DPY19L4: variants seen among roughly 807,000 people sequenced by gnomAD.
The protein encoded by DPY19L4 is dpy-19 like 4, also known as probable C-mannosyltransferase DPY19L4.
DPY19L4 carries 97 observed loss-of-function variants against 102.8 expected under a neutral mutation model. The ratio of observed to expected loss-of-function variants is 0.94; its 90% CI spans 0.80 to 1.12. The LOEUF (loss-of-function observed/expected upper bound fraction) is 1.12. Ranked by LOEUF, DPY19L4 falls within the 50% of genes most tolerant of loss-of-function variation. The pLI, the probability that DPY19L4 is intolerant of heterozygous loss-of-function variation, is 0.00. For synonymous variants in DPY19L4, 252 were observed against 283.1 expected (o/e 0.89, Z 1.10); for missense variants, 815 against 850.4 (o/e 0.96, Z 0.52).
chr8:94,774,859 G>C (rs1006436256), intron 13 of DPY19L4, among the ~76,000 whole-genome samples: 2 of 152,064 alleles, frequency 1.3e-5, no homozygotes, highest in African/African-American at 4.8e-5. Context: ...TTACAGCCAT[G>C]AGCCACCGCG....
At chr8:94,787,015 G>A (rs139120541) in intron 17 of DPY19L4, among the ~76,000 whole-genome samples, 12 of 152,222 alleles carry the variant, frequency 7.9e-5, no homozygotes, top group African/African-American at 2.4e-4. Context: ...CTGGAAGAGG[G>A]GTTCTACGAG....
At chr8:94,771,433 A>G (rs539184164) in intron 13 of DPY19L4, among the ~76,000 whole-genome samples, 1 of 152,252 alleles carries the variant, frequency 6.6e-6, no homozygotes, top group Non-Finnish European at 1.5e-5. Context: ...AGGTACCTCA[A>G]TAAGCAATAG....
At chr8:94,739,609 C>G (rs1811347592) in intron 5 of DPY19L4, 36 bp from the exon 6 acceptor site, 1 of 1,609,276 alleles carries the variant, frequency 6.2e-7, no homozygotes, top group Admixed American at 1.7e-5. Flanking sequence ...TAATGCCATC[C>G]TATTGTCTTG....
In DPY19L4 at chr8:94,791,514, G is replaced by C. The variant is rs890698845; in HGVS notation, c.*1604G>C. Reference sequence around the variant, plus strand: ...TACCTCAGGTTGACTCTGTACATCTGAATAGTGAGTCACTAGTATTTTGCT... The same window carrying C: ...TACCTCAGGTTGACTCTGTACATCTCAATAGTGAGTCACTAGTATTTTGCT... On this transcript the variant is annotated 3_prime_UTR_variant, in exon 19 of 19. Coordinates refer to ENST00000414645, the MANE Select transcript of DPY19L4 (RefSeq NM_181787.3). 3 of 152,120 alleles carry C rather than the reference G, an allele frequency of 2.0e-5. No individual in the cohort carries two copies. The highest frequency in any genetic ancestry group is 4.4e-5 in the Non-Finnish European group (3 of 68,004). The allele number at this position is 152,120 out of a possible 1,614,324, so 9.4% of individuals were successfully genotyped here. A position where few individuals can be genotyped will look rare whatever the true frequency, so the allele number is the denominator to read the frequency against.
chr8:94,778,186 A>G (rs1813271524), intron 14 of DPY19L4, among the ~76,000 whole-genome samples: 1 of 152,054 alleles, frequency 6.6e-6, no homozygotes, highest in Non-Finnish European at 1.5e-5. Context: ...AGTGAGCCAA[A>G]ATCTCACCAC....
chr8:94,771,447 AACAG>A (rs1273364046), intron 13 of DPY19L4, among the ~76,000 whole-genome samples: 2 of 152,252 alleles, frequency 1.3e-5, no homozygotes, highest in African/African-American at 2.4e-5. Context: ...GCAATAGTGG[AACAG>A]ACAGTCTCTA....
At chr8:94,747,719 T>A (rs4734287) in intron 6 of DPY19L4, among the ~76,000 whole-genome samples, 24,159 of 151,892 alleles carry the variant, frequency 0.16, 2,039 homozygotes, top group Admixed American at 0.22. Flanking sequence ...CCACTATGCC[T>A]GGCTAATTTT....
At chr8:94,780,592 T>C (rs1229792650) in intron 15 of DPY19L4, among the ~76,000 whole-genome samples, 177 bp downstream of exon 15, 1 of 152,136 alleles carries the variant, frequency 6.6e-6, no homozygotes, top group Non-Finnish European at 1.5e-5. Context: ...AGCTAAAACA[T>C]TTCTAGAATG....
intron 6 of DPY19L4, chr8:94,744,881 A>G (rs1563584467): frequency 1.7e-5 from 4 of 229,372 alleles, no homozygotes; most frequent in Admixed American, 1.0e-4. Flanking sequence ...GACAATTGAA[A>G]TGTTCTTAAT....
At chr8:94,721,865 T>G (rs533479605) in intron 1 of DPY19L4, among the ~76,000 whole-genome samples, 1 of 152,276 alleles carries the variant, frequency 6.6e-6, no homozygotes, top group South Asian at 2.1e-4. Context: ...TCCCAGCACT[T>G]TGGGAGGCCA....
At chr8:94,744,426 G>A in intron 6 of DPY19L4, 1 of 456,670 alleles carries the variant, frequency 2.2e-6, no homozygotes, top group South Asian at 1.5e-5. Flanking sequence ...TGGAAGCCAG[G>A]TATCTGTTAT....
At position 94,788,095 on chromosome 8, in the gene DPY19L4, A is replaced by ATATATATATATATT. The variant is rs778540423; in HGVS notation, c.2007+44_2007+45insATATATATATATTT. 3.2e-6 allele frequency: 3 copies of ATATATATATATATT among 939,298 alleles called. No individual in the cohort carries two copies. The African/African-American group carries it at 7.0e-5, about 22-fold the overall frequency. 58.2% of individuals were successfully genotyped at this position (939,298 alleles called of 1,614,324 possible). A position where few individuals can be genotyped will look rare whatever the true frequency, so the allele number is the denominator to read the frequency against. Reference sequence around the variant, plus strand: ...AAGTTATATATATGTATATATATATATTTTTTTTTTAGAAAAATGACTTTA... The same window carrying ATATATATATATATT: ...AAGTTATATATATGTATATATATATATATATATATATATTTTTTTTTTTTAGAAAAATGACTTTA... On this transcript the variant is annotated intron_variant, in intron 18 of 18. Transcript: ENST00000414645.
rs1813379774 is a variant in DPY19L4, at chr8:94,780,427, A to G, written c.1632+12A>G. ...GCTTATGGAAAGAGGTAAAAAAATTAGATTTTTATATTAATAAAATGTACT... is the reference window on the plus strand; with the variant it reads ...GCTTATGGAAAGAGGTAAAAAAATTGGATTTTTATATTAATAAAATGTACT... On this transcript the variant is annotated intron_variant, in intron 15 of 18. Transcript: ENST00000414645. 2.1e-6 allele frequency: 3 copies of G among 1,424,714 alleles called. No individual in the cohort carries two copies. Among genetic ancestry groups the G allele is most frequent in the Non-Finnish European group, 1.9e-6 (2 of 1,066,136 alleles). 88.3% of individuals were successfully genotyped at this position (1,424,714 alleles called of 1,614,324 possible).
At chr8:94,755,911 T>G (rs1324429995) in intron 6 of DPY19L4, 125 bp from the exon 7 acceptor site, 3 of 982,662 alleles carry the variant, frequency 3.1e-6, no homozygotes, top group Non-Finnish European at 4.3e-6. Context: ...ATGGTGGATC[T>G]GGCTATGCCT....
At position 94,752,458 on chromosome 8, in the gene DPY19L4, C is replaced by T. The variant is rs527337083; in HGVS notation, c.612-3578C>T. Reference sequence around the variant, plus strand: ...AAAATTATCCGGACATGGTGGCACGCGCCTGTAGTCCCAGCTACTCAGGAG... The same window carrying T: ...AAAATTATCCGGACATGGTGGCACGTGCCTGTAGTCCCAGCTACTCAGGAG... On this transcript the variant is annotated intron_variant, in intron 6 of 18. Transcript: ENST00000414645. 1.5e-4 allele frequency among the ~76,000 whole-genome samples: 22 copies of T among 150,868 alleles called. No individual in the cohort carries two copies. The South Asian group carries it at 2.5e-3, about 17-fold the overall frequency.
At chr8:94,764,493 G>A (rs527895340) in intron 8 of DPY19L4, among the ~76,000 whole-genome samples, 2 of 149,006 alleles carry the variant, frequency 1.3e-5, no homozygotes, top group African/African-American at 2.5e-5. Flanking sequence ...GGAGAATGGC[G>A]TGAACCCGGG....
intron 6 of DPY19L4, among the ~76,000 whole-genome samples, chr8:94,752,066 T>C (rs759927548): frequency 1.5e-4 from 23 of 152,164 alleles, no homozygotes; most frequent in Non-Finnish European, 1.6e-4. Context: ...TTCTTTTGGG[T>C]AGAATGGCTA....
In DPY19L4 at chr8:94,739,685, T is replaced by C. The variant is rs756738882; in HGVS notation, c.506T>C (p.Phe169Ser). 2.5e-6 allele frequency: 4 copies of C among 1,614,182 alleles called. No homozygotes were observed. The South Asian group carries it at 3.3e-5, about 13-fold the overall frequency. Residue 169 changes from phenylalanine to serine, a missense_variant, in exon 6 of 19, where the codon TTT becomes TCT. Physicochemically the swap from Phe to Ser is radical, Grantham distance 155. Transcript: ENST00000414645. ...EPVYFYIGIV[F>S]GLQGIYVTAL... ...GTGTATTTCTATATTGGCATTGTTTTTGGATTGCAAGGAATATATGTTACT... is the reference window on the plus strand; with the variant it reads ...GTGTATTTCTATATTGGCATTGTTTCTGGATTGCAAGGAATATATGTTACT...
intron 18 of DPY19L4, 43 bp downstream of exon 18, chr8:94,788,095 A>ATATATATATT (rs778540423): frequency 2.1e-6 from 2 of 971,614 alleles, no homozygotes; most frequent in African/African-American, 2.3e-5. Flanking sequence ...ATATATATAT[A>ATATATATATT]TTTTTTTTTT....
Sources: allele counts gnomAD v4.1 joint callset (sites outside exome capture counted in the v4.1 genomes callset), GRCh38; gene constraint gnomAD v4.1.1; transcripts MANE v1.5; gene names NCBI Gene and HGNC (gene_info 2026-07-23, HGNC 2026-07-21).